Variants in RANBP17 observed in about 807,000 individuals in gnomAD.
RANBP17 encodes the protein RAN binding protein 17.
Under a neutral mutation model 141.2 loss-of-function variants are expected in RANBP17, and 158 were observed. The observed-to-expected ratio is 1.12, with a 90% CI of 0.98 to 1.28. The LOEUF is 1.28. Among genes scored for constraint, RANBP17 ranks in the 50% most tolerant of loss-of-function variants. RANBP17 has a pLI of 0.00. For missense variants in RANBP17, 1,438 were observed against 1,290.7 expected (o/e 1.11, Z -1.75); for synonymous variants, 430 against 450.0 (o/e 0.96, Z 0.56).
intron 14 of RANBP17, among the ~76,000 whole-genome samples, chr5:171,111,133 A>G (rs1189677623): frequency 6.6e-6 from 1 of 152,134 alleles, no homozygotes; most frequent in Non-Finnish European, 1.5e-5. Context: ...TTCAGGAAGA[A>G]AAAGAAAGGT....
At chr5:171,176,877 T>C (rs928490504) in intron 16 of RANBP17, among the ~76,000 whole-genome samples, 22 of 152,250 alleles carry the variant, frequency 1.4e-4, no homozygotes, top group African/African-American at 4.6e-4. Context: ...ATGTGGTAGG[T>C]GTCAGGAAAG....
chr5:171,076,385 A>G (rs776560858), intron 14 of RANBP17, among the ~76,000 whole-genome samples: 17 of 152,248 alleles, frequency 1.1e-4, no homozygotes, highest in East Asian at 1.9e-4. Context: ...AAATATCACT[A>G]TAATCTTATG....
At chr5:171,185,519 G>A (rs1007514660) in intron 18 of RANBP17, among the ~76,000 whole-genome samples, 2 of 152,148 alleles carry the variant, frequency 1.3e-5, no homozygotes, top group African/African-American at 4.8e-5. Flanking sequence ...TAAATCTTTT[G>A]TTACTTCAAC....
rs372272745 is a variant in RANBP17, at chr5:170,878,168, T to A, written c.90T>A (p.Ala30=). 982 of 1,613,058 alleles carry A rather than the reference T, an allele frequency of 6.1e-4. 10 individuals carry two copies. The South Asian group carries it at 0.01, about 17-fold the overall frequency. The change falls in exon 2 of 28, where the codon GCT becomes GCA. Residue 30 remains alanine (A), a synonymous_variant. Coordinates refer to ENST00000523189, the MANE Select transcript of RANBP17 (RefSeq NM_022897.5). ...IGTDLTQRIE[A]EKALLELIDS... ...CTGATCTTACACAAAGAATAGAGGC[T>A]GAGAAAGCACTCTTGGAACTTATTG...
intron 14 of RANBP17, among the ~76,000 whole-genome samples, chr5:171,090,400 A>G (rs1407789211): frequency 1.3e-5 from 2 of 152,238 alleles, no homozygotes; most frequent in Admixed American, 6.5e-5. Context: ...TAAACAGCAA[A>G]GCATTCAAGA....
chr5:171,206,661 G>A, intron 20 of RANBP17: 1 of 178,494 alleles, frequency 5.6e-6, no homozygotes, highest in Non-Finnish European at 1.2e-5. Flanking sequence ...CTTCTTAAAG[G>A]TAACTGTCAA....
At chr5:171,239,823 C>T (rs1452578971) in intron 22 of RANBP17, among the ~76,000 whole-genome samples, 1 of 152,098 alleles carries the variant, frequency 6.6e-6, no homozygotes, top group African/African-American at 2.4e-5. Context: ...TAGACACAAA[C>T]AGGACAAGGA....
intron 14 of RANBP17, among the ~76,000 whole-genome samples, chr5:171,027,168 GGATTGTTTAACA>G (rs1205059830): frequency 6.6e-6 from 1 of 152,184 alleles, no homozygotes; most frequent in Non-Finnish European, 1.5e-5. Context: ...AAACTTGAAT[GGATTGTTTAACA>G]GATTGTTTCT....
intron 14 of RANBP17, among the ~76,000 whole-genome samples, chr5:171,089,705 G>A (rs1476880235): frequency 3.9e-5 from 6 of 152,212 alleles, no homozygotes; most frequent in Non-Finnish European, 7.3e-5. Context: ...ATATTCGGGT[G>A]GGAGTGACCC....
At chr5:171,170,402 A>T (rs1760019518) in intron 15 of RANBP17, among the ~76,000 whole-genome samples, 199 bp downstream of exon 15, 1 of 152,248 alleles carries the variant, frequency 6.6e-6, no homozygotes, top group South Asian at 2.1e-4. Context: ...GGACATTGTA[A>T]TTTGTCAAGT....
intron 14 of RANBP17, among the ~76,000 whole-genome samples, chr5:170,994,235 G>A (rs953533696): frequency 1.3e-5 from 2 of 151,970 alleles, no homozygotes; most frequent in African/African-American, 4.8e-5. Flanking sequence ...TGTTTCACCT[G>A]TTTATCTAAT....
intron 24 of RANBP17, among the ~76,000 whole-genome samples, chr5:171,257,785 T>C (rs369264329): frequency 1.6e-3 from 246 of 152,204 alleles, no homozygotes; most frequent in Admixed American, 2.9e-3. Context: ...TGAAATCAAG[T>C]AGGCAGTGCC....
Position 171,243,076 on chromosome 5 carries a change from A to G in RANBP17, c.2776+256A>G, listed in dbSNP as rs1764989525. ...TTCAGTGACTTTAAGTGGATAGTTCAGTGAGTCCTTGTACAAATGTGTACA... is the reference window on the plus strand; with the variant it reads ...TTCAGTGACTTTAAGTGGATAGTTCGGTGAGTCCTTGTACAAATGTGTACA... On this transcript the variant is annotated intron_variant, in intron 24 of 27. Coordinates refer to ENST00000523189, the MANE Select transcript of RANBP17 (RefSeq NM_022897.5). The G allele has an allele frequency of 4.9e-5, 22 of 452,618 alleles. No individual in the cohort carries two copies. The South Asian group carries it at 5.5e-4, about 11-fold the overall frequency. The allele number at this position is 452,618 out of a possible 1,614,324, so 28.0% of individuals were successfully genotyped here. A position where few individuals can be genotyped will look rare whatever the true frequency, so the allele number is the denominator to read the frequency against.
intron 14 of RANBP17, among the ~76,000 whole-genome samples, chr5:171,064,986 G>T (rs1784213406): frequency 6.6e-6 from 1 of 151,962 alleles, no homozygotes; most frequent in African/African-American, 2.4e-5. Context: ...GTTTTCTTTG[G>T]CTATGCACAT....
chr5:170,871,852 G>A (rs1767755396), intron 1 of RANBP17, among the ~76,000 whole-genome samples: 1 of 152,068 alleles, frequency 6.6e-6, no homozygotes, highest in Non-Finnish European at 1.5e-5. Context: ...TATTTCTGAG[G>A]TCTCTATTCT....
intron 16 of RANBP17, among the ~76,000 whole-genome samples, chr5:171,173,745 C>T (rs1760255859): frequency 6.6e-6 from 1 of 150,486 alleles, no homozygotes; most frequent in Admixed American, 6.7e-5. Context: ...TGTTAGGCCC[C>T]ACTCCCCAGA....
At chr5:171,168,846 C>T (rs1163306803) in intron 14 of RANBP17, among the ~76,000 whole-genome samples, 1 of 148,222 alleles carries the variant, frequency 6.7e-6, no homozygotes, top group Non-Finnish European at 1.5e-5. Context: ...CTCTCTGTTT[C>T]TCTCTCTCTC....
At chr5:171,053,918 TA>T (rs869272308) in intron 14 of RANBP17, among the ~76,000 whole-genome samples, 5,472 of 81,680 alleles carry the variant, frequency 0.067, 863 homozygotes, top group South Asian at 0.12. Context: ...TATATATATA[TA>T]TATATAATTG....
chr5:171,240,586 T>G (rs773777763), intron 22 of RANBP17, among the ~76,000 whole-genome samples: 2 of 152,124 alleles, frequency 1.3e-5, no homozygotes, highest in Non-Finnish European at 2.9e-5. Context: ...TTTTTAAAAT[T>G]TTTTACTGAC....
Sources: allele counts gnomAD v4.1 joint callset (sites outside exome capture counted in the v4.1 genomes callset), GRCh38; gene constraint gnomAD v4.1.1; transcripts MANE v1.5; gene names NCBI Gene and HGNC (gene_info 2026-07-23, HGNC 2026-07-21).